The following ZNF354A variants were observed in gnomAD, a reference collection of about 807,000 sequenced individuals.
The protein encoded by ZNF354A is zinc finger protein 354A.
ZNF354A carries 25 observed loss-of-function variants against 53.3 expected under a neutral mutation model. That is an observed-to-expected ratio of 0.47 (90% CI 0.34 to 0.66). The LOEUF (loss-of-function observed/expected upper bound fraction) is 0.66, where lower values mean the gene tolerates loss of function less well. ZNF354A is among the 30% of genes least tolerant of loss of function. ZNF354A has a pLI of 0.01. For synonymous variants in ZNF354A, 228 were observed against 249.0 expected (o/e 0.92, Z 0.79); for missense variants, 586 against 716.8 (o/e 0.82, Z 2.08).
At chr5:178,730,446 C>A (rs1766012971) in intron 1 of ZNF354A, 110 bp downstream of exon 1, 2 of 152,114 alleles carry the variant, frequency 1.3e-5, no homozygotes, top group Non-Finnish European at 2.9e-5. Context: ...CGGTGACAGA[C>A]GCGGGGGTGC....
In ZNF354A at chr5:178,712,169, C is replaced by A; in HGVS notation, c.1709G>T (p.Arg570Ile). The A allele has an allele frequency of 1.9e-6, 3 of 1,614,004 alleles. No homozygotes were observed. Among genetic ancestry groups the A allele is most frequent in the East Asian group, 4.5e-5 (2 of 44,850 alleles). ...ATAGGGTTTCTCTCCAGTATGAATT[C>A]TCTGATGTGCAATACGTGATGAGCT... ...RQSSSRIAHQ[R>I]IHTGEKPYEC... Residue 570 changes from arginine to isoleucine, a missense_variant, in exon 5 of 5, where the codon AGA (arginine) becomes ATA (isoleucine). This residue lies in a region of ZNF354A where 573 missense variants were observed against 680.1 expected (regional missense o/e 0.84). Transcript: ENST00000335815.
chr5:178,729,223 TG>T, intron 1 of ZNF354A, 150 bp from the exon 2 acceptor site: 1 of 553,762 alleles, frequency 1.8e-6, no homozygotes, highest in Non-Finnish European at 3.3e-6. Context: ...AGAGCAGCGC[TG>T]GGCCGCCCGG....
At chr5:178,718,256 G>A (rs376942642) in intron 4 of ZNF354A, among the ~76,000 whole-genome samples, 1 of 152,184 alleles carries the variant, frequency 6.6e-6, no homozygotes, top group East Asian at 1.9e-4. Context: ...GGTCTCCTGA[G>A]GTGCAGTTCA....
intron 3 of ZNF354A, 141 bp downstream of exon 3, chr5:178,726,858 G>T: frequency 7.7e-7 from 1 of 1,295,170 alleles, no homozygotes. Context: ...GGTTTTTAAT[G>T]TTTATTTATA....
intron 4 of ZNF354A, among the ~76,000 whole-genome samples, chr5:178,723,275 G>C (rs1765846177): frequency 6.6e-6 from 1 of 152,192 alleles, no homozygotes; most frequent in Non-Finnish European, 1.5e-5. Flanking sequence ...ATGGCATAAG[G>C]GGCCATCACT....
At chr5:178,716,192 G>A (rs1000316196) in intron 4 of ZNF354A, among the ~76,000 whole-genome samples, 14 of 152,202 alleles carry the variant, frequency 9.2e-5, no homozygotes, top group South Asian at 2.1e-4. Flanking sequence ...CATCATGCCC[G>A]GCCAATCTTT....
At chr5:178,721,278 T>C (rs2113876997) in intron 4 of ZNF354A, among the ~76,000 whole-genome samples, 1 of 152,336 alleles carries the variant, frequency 6.6e-6, no homozygotes, top group East Asian at 1.9e-4. Flanking sequence ...TGGTATAGGC[T>C]ACTACACACC....
chr5:178,712,997 A>C lies in ZNF354A; in HGVS notation c.881T>G (p.Val294Gly), dbSNP rs761979405. Residue 294 changes from valine (V) to glycine (G), a missense_variant, in exon 5 of 5, where the codon GTG (valine) becomes GGG (glycine). This residue lies in a region of ZNF354A where 573 missense variants were observed against 680.1 expected (regional missense o/e 0.84). Coordinates refer to ENST00000335815, the MANE Select transcript of ZNF354A (RefSeq NM_005649.3). ...TTCTTTACATCTGTAGGATTTCTCC[A>C]CAGTATGGGTTCTTAGATGTTTATA... ...SLYKHLRTHT[V>G]EKSYRCKECG... The C allele has an allele frequency of 6.2e-7, 1 of 1,614,098 alleles. No homozygotes were observed. The highest frequency in any genetic ancestry group is 8.5e-7 in the Non-Finnish European group (1 of 1,179,990).
chr5:178,716,686 A>G (rs1765720716), intron 4 of ZNF354A, among the ~76,000 whole-genome samples: 1 of 152,214 alleles, frequency 6.6e-6, no homozygotes, highest in South Asian at 2.1e-4. Flanking sequence ...CTCCCTGGGC[A>G]AAGGAACCAA....
chr5:178,717,652 T>G (rs969827064), intron 4 of ZNF354A, among the ~76,000 whole-genome samples: 1 of 152,044 alleles, frequency 6.6e-6, no homozygotes, highest in African/African-American at 2.4e-5. Context: ...TCTGGAGATC[T>G]GGGGGAGGTC....
chr5:178,713,941 G>T lies in ZNF354A; in HGVS notation c.257-320C>A, dbSNP rs552658489. 4.6e-5 allele frequency among the ~76,000 whole-genome samples: 7 copies of T among 151,822 alleles called. No homozygotes were observed. The East Asian group carries it at 1.4e-3, about 29-fold the overall frequency. Reference sequence around the variant, plus strand: ...ATCATGAGTTGAAAGAGGAAGTTTGGGGTTAGGACCCAAAACCCATGATGG... The same window carrying T: ...ATCATGAGTTGAAAGAGGAAGTTTGTGGTTAGGACCCAAAACCCATGATGG... On this transcript the variant is annotated intron_variant, in intron 4 of 4. Transcript: ENST00000335815.
In ZNF354A at chr5:178,712,861, T is replaced by A; in HGVS notation, c.1017A>T (p.Thr339=). The A allele has an allele frequency of 1.2e-6, 2 of 1,614,180 alleles. No homozygotes were observed. Among genetic ancestry groups the A allele is most frequent in the Non-Finnish European group, 8.5e-7 (1 of 1,180,036 alleles). Residue 339 remains threonine (T), a synonymous_variant, in exon 5 of 5, where the codon ACA becomes ACT. Transcript: ENST00000335815. ...GAATTCTTTGACATCCAGAAAGGGA[T>A]GTGCTGCAACTAGATGCCTTCCTAC... The part of the protein sequence containing the change: ...NPGRKASSCS[T]SLSGCQRIHS...
rs568575725 is a variant in ZNF354A at position 178,718,291 on chromosome 5, G to A, written c.257-4670C>T. 1.1e-4 allele frequency among the ~76,000 whole-genome samples: 16 copies of A among 152,248 alleles called. No homozygotes were observed. In the East Asian group the frequency reaches 2.9e-3, roughly 28 times the overall value. On this transcript the variant is annotated intron_variant, in intron 4 of 4. Transcript: ENST00000335815. ...AACCTTTGCTTCCTCCTAGAATCAA[G>A]CCCAGTCCTCAGCTACCTGTTAAAC...
intron 4 of ZNF354A, among the ~76,000 whole-genome samples, chr5:178,716,940 G>A (rs1237770587): frequency 1.3e-5 from 2 of 151,958 alleles, no homozygotes; most frequent in Non-Finnish European, 1.5e-5. Flanking sequence ...TCAGCCGGGT[G>A]TGGTGGCACA....
chr5:178,726,253 AAAG>A, intron 3 of ZNF354A: 1 of 456,072 alleles, frequency 2.2e-6, no homozygotes, highest in South Asian at 1.5e-5. Flanking sequence ...TGGGAAAAAA[AAAG>A]AGAAATATGT....
chr5:178,712,555 A>G lies in ZNF354A; in HGVS notation c.1323T>C (p.Asn441=), dbSNP rs765645269. 3 of 1,614,122 alleles carry G rather than the reference A, an allele frequency of 1.9e-6. No homozygotes were observed. The South Asian group carries it at 3.3e-5, about 18-fold the overall frequency. ...IHTGEKFYNC[N]ECGKALSSHS... ...GGGAGCTTAAGGCTTTACCACATTC[A>G]TTACAATTATAAAACTTCTCTCCAG... The change falls in exon 5 of 5, where the codon AAT becomes AAC. Residue 441 remains asparagine (N), a synonymous_variant. Transcript: ENST00000335815.
chr5:178,727,840 T>G (rs1765940845), intron 2 of ZNF354A, among the ~76,000 whole-genome samples: 1 of 149,726 alleles, frequency 6.7e-6, no homozygotes, highest in Non-Finnish European at 1.5e-5. Context: ...ACCAGCTGTG[T>G]GACTTGTACA....
rs768508062 is a variant in ZNF354A, at chr5:178,712,220, T to C, written c.1658A>G (p.Asn553Ser). The part of the protein sequence containing the change: ...IHTGEKPFKC[N>S]TCGKTFRQSS... Reference sequence around the variant, plus strand: ...TTGTCTAAAAGTTTTTCCACATGTATTACATTTAAAGGGTTTTTCTCCTGT... The same window carrying C: ...TTGTCTAAAAGTTTTTCCACATGTACTACATTTAAAGGGTTTTTCTCCTGT... The change falls in exon 5 of 5, where the codon AAT becomes AGT. Residue 553 changes from asparagine (N) to serine (S), a missense_variant. By Grantham distance (46) the Asn-to-Ser change is conservative (BLOSUM62 1). Coordinates refer to ENST00000335815, the MANE Select transcript of ZNF354A (RefSeq NM_005649.3). The C allele has an allele frequency of 1.2e-6, 2 of 1,614,028 alleles. No homozygotes were observed.
Position 178,713,067 on chromosome 5 carries a change from T to C in ZNF354A, c.811A>G (p.Ile271Val). Reference sequence around the variant, plus strand: ...AAGGCTTTCCCACATTCTTTACATATGTAGGGTTTCTCTCCAGTATGCGTT... The same window carrying C: ...AAGGCTTTCCCACATTCTTTACATACGTAGGGTTTCTCTCCAGTATGCGTT... ...QITHTGEKPY[I>V]CKECGKAFTL... Residue 271 changes from isoleucine to valine, a missense_variant, in exon 5 of 5, where the codon ATA becomes GTA. Physicochemically the swap from Ile to Val is conservative, Grantham distance 29. Coordinates refer to ENST00000335815, the MANE Select transcript of ZNF354A (RefSeq NM_005649.3). 3 of 1,614,016 alleles carry C rather than the reference T, an allele frequency of 1.9e-6. No individual in the cohort carries two copies. The highest frequency in any genetic ancestry group is 1.3e-5 in the African/African-American group (1 of 75,052).
Sources: gnomAD v4.1 joint callset for allele counts (sites outside exome capture counted in the v4.1 genomes callset) on GRCh38, gnomAD v4.1.1 for gene constraint, gnomAD v4.1.1 regional missense constraint, MANE v1.5 for transcripts, NCBI Gene and HGNC (gene_info 2026-07-23, HGNC 2026-07-21) for gene names.